Variants in CTTNBP2NL observed in about 807,000 individuals in gnomAD.
The protein encoded by CTTNBP2NL is CTTNBP2 N-terminal-like protein.
A neutral mutation model predicts 32.5 loss-of-function variants in CTTNBP2NL; 16 were observed. The ratio of observed to expected loss-of-function variants is 0.49; its 90% confidence interval spans 0.33 to 0.75. The LOEUF (loss-of-function observed/expected upper bound fraction) is 0.75, where lower values mean the gene tolerates loss of function less well. CTTNBP2NL is among the 30% of genes least tolerant of loss of function. The pLI is 0.02. For synonymous variants in CTTNBP2NL, 298 were observed against 289.4 expected (o/e 1.03, Z -0.30); for missense variants, 645 against 756.0 (o/e 0.85, Z 1.72).
intron 5 of CTTNBP2NL, 150 bp downstream of exon 5, chr1:112,454,706 G>A: frequency 1.5e-6 from 1 of 651,884 alleles, no homozygotes; most frequent in East Asian, 2.6e-5. Context: ...AGTTAAACAG[G>A]TTTCTAACTT....
chr1:112,430,545 G>A (rs1386536177), intron 3 of CTTNBP2NL, among the ~76,000 whole-genome samples: 1 of 91,508 alleles, frequency 1.1e-5, no homozygotes, highest in East Asian at 3.5e-4. Flanking sequence ...GCCATAGCTA[G>A]CTTTTTTTTT....
In CTTNBP2NL at chr1:112,455,733, G is replaced by C. The variant is rs115333184; in HGVS notation, c.439-198G>C. 6.3e-3 allele frequency among the ~76,000 whole-genome samples: 965 copies of C among 152,310 alleles called. 11 individuals are homozygous for C. Among genetic ancestry groups the C allele is most frequent in the African/African-American group, 0.022 (921 of 41,566 alleles). ...TCACTGCAAGACAGTATGGGAACTA[G>C]AAGTGCCTCCCAAATCATCAAAGAA... is the stretch of plus-strand genomic sequence containing the variant. On this transcript the variant is annotated intron_variant, in intron 5 of 5. Coordinates refer to ENST00000271277, the MANE Select transcript of CTTNBP2NL (RefSeq NM_018704.3).
At chr1:112,412,115 T>C (rs1648889460) in intron 1 of CTTNBP2NL, 79 bp from the exon 2 acceptor site, 1 of 152,244 alleles carries the variant, frequency 6.6e-6, no homozygotes, top group Admixed American at 6.5e-5. Flanking sequence ...TCATCAGCGA[T>C]GACAGTTGAC....
chr1:112,418,086 T>A (rs1318350255), intron 3 of CTTNBP2NL, among the ~76,000 whole-genome samples: 1 of 152,224 alleles, frequency 6.6e-6, no homozygotes, highest in Non-Finnish European at 1.5e-5. Flanking sequence ...AAAGCTTATC[T>A]TTTTATTTTC....
At position 112,457,683 on chromosome 1, in the gene CTTNBP2NL, A is replaced by C; in HGVS notation, c.*271A>C. On this transcript the variant is annotated 3_prime_UTR_variant, in exon 6 of 6. Coordinates refer to ENST00000271277, the MANE Select transcript of CTTNBP2NL (RefSeq NM_018704.3). ...CGTCATGTTGTGATGAAGAAAGCGA[A>C]TCACCAGGTGGTGATTTGCTATCTA... The C allele has an allele frequency of 6.0e-6, 2 of 331,068 alleles. No homozygotes were observed. The highest frequency in any genetic ancestry group is 4.4e-5 in the Admixed American group (1 of 22,564). 20.5% of individuals were successfully genotyped at this position (331,068 alleles called of 1,614,324 possible).
intron 3 of CTTNBP2NL, among the ~76,000 whole-genome samples, chr1:112,438,560 A>C (rs1259109895): frequency 6.6e-6 from 1 of 151,626 alleles, no homozygotes; most frequent in Non-Finnish European, 1.5e-5. Context: ...GATGCCCTTT[A>C]TTTATTTCTC....
Position 112,449,052 on chromosome 1 carries a change from C to T in CTTNBP2NL, c.210C>T (p.Gly70=), listed in dbSNP as rs775374920. Residue 70 remains glycine (G), a synonymous_variant, in exon 4 of 6, where the codon GGC becomes GGT. Transcript: ENST00000271277. ...DFETLKEKND[G]EKQPVCTNPL... is the part of the protein sequence containing the mutation. ...AAACACTGAAGGAGAAAAATGATGGCGAAAAGCAGCCAGTCTGCACAAATC... is the reference window on the plus strand; with the variant it reads ...AAACACTGAAGGAGAAAAATGATGGTGAAAAGCAGCCAGTCTGCACAAATC... 48 of 1,611,724 alleles carry T rather than the reference C, an allele frequency of 3.0e-5. No individual in the cohort carries two copies. The highest frequency in any genetic ancestry group is 4.0e-5 in the African/African-American group (3 of 74,870).
chr1:112,424,077 G>A (rs565739706), intron 3 of CTTNBP2NL, among the ~76,000 whole-genome samples: 1 of 152,030 alleles, frequency 6.6e-6, no homozygotes, highest in Non-Finnish European at 1.5e-5. Flanking sequence ...GGAAATCTTT[G>A]CCTAAACCAA....
In CTTNBP2NL at chr1:112,437,106, G is replaced by A. The variant is rs866375047; in HGVS notation, c.100-11836G>A. Among the ~76,000 whole-genome samples, 4 of 152,102 alleles carry A rather than the reference G, an allele frequency of 2.6e-5. 1 individual carries two copies. The highest frequency in any genetic ancestry group is 1.3e-4 in the Admixed American group (2 of 15,276). On this transcript the variant is annotated intron_variant, in intron 3 of 5. Coordinates refer to ENST00000271277, the MANE Select transcript of CTTNBP2NL (RefSeq NM_018704.3). The stretch of plus-strand genomic sequence containing the variant: ...GAATAGTGCTGCAGTGGATATTCAC[G>A]TGCATGTCTTTATGGTAGAATGACT...
chr1:112,424,983 A>AT (rs1239412500), intron 3 of CTTNBP2NL, among the ~76,000 whole-genome samples: 3,379 of 134,346 alleles, frequency 0.025, 113 homozygotes, highest in African/African-American at 0.077. Context: ...GCCCAGCTAA[A>AT]TTTTTTTTTT....
chr1:112,407,346 T>G (rs1452527613), intron 1 of CTTNBP2NL, among the ~76,000 whole-genome samples: 3 of 152,164 alleles, frequency 2.0e-5, no homozygotes, highest in East Asian at 3.8e-4. Context: ...TAGAAATTTA[T>G]TTTTTCACAA....
chr1:112,441,526 T>C (rs1308008561), intron 3 of CTTNBP2NL, among the ~76,000 whole-genome samples: 1 of 152,242 alleles, frequency 6.6e-6, no homozygotes, highest in Non-Finnish European at 1.5e-5. Context: ...TATAAAACTC[T>C]TGTAGAAATG....
chr1:112,398,703 T>C (rs973340432), intron 1 of CTTNBP2NL, among the ~76,000 whole-genome samples: 1 of 150,976 alleles, frequency 6.6e-6, no homozygotes, highest in African/African-American at 2.4e-5. Flanking sequence ...CCTTGCTACT[T>C]GGGAGGCTGA....
intron 3 of CTTNBP2NL, among the ~76,000 whole-genome samples, chr1:112,416,665 G>A (rs1217349967): frequency 1.3e-5 from 2 of 151,982 alleles, no homozygotes; most frequent in African/African-American, 4.8e-5. Context: ...GCTAATTTTT[G>A]TATTTTTAGT....
At position 112,457,453 on chromosome 1, in the gene CTTNBP2NL, T is replaced by C. The variant is rs1170549343; in HGVS notation, c.*41T>C. Reference sequence around the variant, plus strand: ...CTCCACGTTTGACATTCCATCAGATTTCGTCCAAAAGCTCAGTCAGACTTC... The same window carrying C: ...CTCCACGTTTGACATTCCATCAGATCTCGTCCAAAAGCTCAGTCAGACTTC... On this transcript the variant is annotated 3_prime_UTR_variant, in exon 6 of 6. Transcript: ENST00000271277. 6.5e-7 allele frequency: 1 copy of C among 1,543,280 alleles called. No homozygotes were observed. The highest frequency in any genetic ancestry group is 2.3e-5 in the East Asian group (1 of 44,392).
Position 112,410,715 on chromosome 1 carries a change from T to C in CTTNBP2NL, c.-133-1479T>C, listed in dbSNP as rs752833758. On this transcript the variant is annotated intron_variant, in intron 1 of 5. Coordinates refer to ENST00000271277, the MANE Select transcript of CTTNBP2NL (RefSeq NM_018704.3). ...AGCTGAGCATTTAGTTGAAATGATC[T>C]TGCTCTTCGGAGTTACTGATGATGA... is the stretch of plus-strand genomic sequence containing the variant. Among the ~76,000 whole-genome samples the C allele has an allele frequency of 4.6e-5, 7 of 152,344 alleles. 1 individual carries two copies. The highest frequency in any genetic ancestry group is 2.6e-4 in the Admixed American group (4 of 15,300).
In CTTNBP2NL at chr1:112,457,589, T is replaced by G. The variant is rs78254968; in HGVS notation, c.*177T>G. The G allele has an allele frequency of 2.5e-3, 1,489 of 589,002 alleles. 12 individuals are homozygous for G. Among genetic ancestry groups the G allele is most frequent in the East Asian group, 0.018 (604 of 33,590 alleles). 36.5% of individuals were successfully genotyped at this position (589,002 alleles called of 1,614,324 possible). On this transcript the variant is annotated 3_prime_UTR_variant, in exon 6 of 6. Transcript: ENST00000271277. The stretch of plus-strand genomic sequence containing the variant: ...TAAGTAGAAACTGAGTAGTTTGGAT[T>G]TTTATGGCTCACATCTTTTTACTGA...
At position 112,461,099 on chromosome 1, in the gene CTTNBP2NL, C is replaced by T. The variant is rs1274814024; in HGVS notation, c.*3687C>T. On this transcript the variant is annotated 3_prime_UTR_variant, in exon 6 of 6. Coordinates refer to ENST00000271277, the MANE Select transcript of CTTNBP2NL (RefSeq NM_018704.3). ...ATAAAACTAGTTGAGAAATGAGAGC[C>T]TGTCCACCCACCATTTGTGTATCAG... 1 of 152,158 alleles carries T rather than the reference C, an allele frequency of 6.6e-6. No individual in the cohort carries two copies. Among genetic ancestry groups the T allele is most frequent in the Non-Finnish European group, 1.5e-5 (1 of 68,026 alleles). 9.4% of individuals were successfully genotyped at this position (152,158 alleles called of 1,614,324 possible).
chr1:112,454,414 A>G (rs764462978), intron 4 of CTTNBP2NL, 35 bp from the exon 5 acceptor site: 57 of 1,502,036 alleles, frequency 3.8e-5, no homozygotes, highest in Non-Finnish European at 5.2e-5. Flanking sequence ...TGACTCCTTG[A>G]TATTTGAAAA....
Sources: gnomAD v4.1 joint callset for allele counts (sites outside exome capture counted in the v4.1 genomes callset) on GRCh38, gnomAD v4.1.1 for gene constraint, MANE v1.5 for transcripts, NCBI Gene and HGNC (gene_info 2026-07-23, HGNC 2026-07-21) for gene names.